CREB1: variants seen among roughly 807,000 people sequenced by gnomAD.
CREB1 encodes cyclic AMP-responsive element-binding protein 1.
In CREB1, 2 loss-of-function variants were observed where a neutral mutation model predicts 42.0. That is an observed-to-expected ratio of 0.05 (90% CI 0.02 to 0.15). The LOEUF (loss-of-function observed/expected upper bound fraction) is 0.15, where lower values mean the gene tolerates loss of function less well. Ranked by LOEUF, CREB1 falls within the 10% of genes least tolerant of loss-of-function variation. The pLI, the probability that CREB1 is intolerant of heterozygous loss-of-function variation, is 1.00. For synonymous variants in CREB1, 123 were observed against 139.9 expected (o/e 0.88, Z 0.85); for missense variants, 199 against 388.9 (o/e 0.51, Z 4.11).
rs565561296 is a variant in CREB1, at chr2:207,549,728, A to T, written c.-8-5900A>T. Among the ~76,000 whole-genome samples, 80 of 152,330 alleles carry T rather than the reference A, an allele frequency of 5.3e-4. 1 individual carries two copies. The highest frequency in any genetic ancestry group is 5.0e-4 in the Non-Finnish European group (34 of 68,026). ...AAAAATTAGACGAGCTCACACCTGT[A>T]GTCCCAACACTTTGGGAGCCGAGGT... On this transcript the variant is annotated intron_variant, in intron 1 of 7. Transcript: ENST00000353267.
intron 4 of CREB1, among the ~76,000 whole-genome samples, chr2:207,569,087 C>T (rs2082253199): frequency 6.6e-6 from 1 of 152,034 alleles, no homozygotes; most frequent in South Asian, 2.1e-4. Flanking sequence ...ATGCTGTATC[C>T]ATTATTTGGA....
Position 207,598,355 on chromosome 2 carries a change from CTT to C in CREB1, c.*1299_*1300del, listed in dbSNP as rs2086511550. 2 of 183,462 alleles carry C rather than the reference CTT, an allele frequency of 1.1e-5. No homozygotes were observed. 11.4% of individuals were successfully genotyped at this position (183,462 alleles called of 1,614,324 possible). A position where few individuals can be genotyped will look rare whatever the true frequency, so the allele number is the denominator to read the frequency against. On this transcript the variant is annotated 3_prime_UTR_variant, in exon 8 of 8. Coordinates refer to ENST00000353267, the MANE Select transcript of CREB1 (RefSeq NM_004379.5). ...TTAGCTTTCCAATATGCTGTATAGC[CTT>C]TGTCATTTTATAATTTTAATTCCTG...
chr2:207,533,570 C>T (rs2080744345), intron 1 of CREB1, among the ~76,000 whole-genome samples: 2 of 152,116 alleles, frequency 1.3e-5, no homozygotes, highest in South Asian at 4.1e-4. Flanking sequence ...GTTACATAAA[C>T]TTGTTTACAG....
rs1336862210 is a variant in CREB1 at position 207,603,247 on chromosome 2, C to T, written c.*6189C>T. 4.5e-6 allele frequency: 1 copy of T among 220,158 alleles called. No homozygotes were observed. Among genetic ancestry groups the T allele is most frequent in the East Asian group, 6.7e-5 (1 of 14,836 alleles). 13.6% of individuals were successfully genotyped at this position (220,158 alleles called of 1,614,324 possible). Reference sequence around the variant, plus strand: ...CAATGCATTTTATTAACACTATGTACATAATAGCTGCTTTGTGTTCAGAAT... The same window carrying T: ...CAATGCATTTTATTAACACTATGTATATAATAGCTGCTTTGTGTTCAGAAT... On this transcript the variant is annotated 3_prime_UTR_variant, in exon 8 of 8. Coordinates refer to ENST00000353267, the MANE Select transcript of CREB1 (RefSeq NM_004379.5).
intron 6 of CREB1, among the ~76,000 whole-genome samples, chr2:207,576,114 C>T (rs968004567): frequency 9.9e-5 from 15 of 151,700 alleles, no homozygotes; most frequent in African/African-American, 3.4e-4. Context: ...CTGCACTTGA[C>T]TCAGTTTTTG....
chr2:207,547,466 C>G (rs551600553), intron 1 of CREB1, among the ~76,000 whole-genome samples: 2 of 152,216 alleles, frequency 1.3e-5, no homozygotes, highest in African/African-American at 4.8e-5. Flanking sequence ...GTCAAAGTAA[C>G]TGTATGTAGG....
intron 3 of CREB1, among the ~76,000 whole-genome samples, chr2:207,565,822 G>C (rs537636558): frequency 3.3e-5 from 5 of 152,252 alleles, no homozygotes; most frequent in African/African-American, 4.8e-5. Flanking sequence ...GTTCAGTCTT[G>C]TTATTCCTTG....
chr2:207,553,825 C>G (rs2081610387), intron 1 of CREB1, among the ~76,000 whole-genome samples: 1 of 152,164 alleles, frequency 6.6e-6, no homozygotes, highest in African/African-American at 2.4e-5. Flanking sequence ...CTACAAAATT[C>G]TGTTTCTCTG....
intron 5 of CREB1, among the ~76,000 whole-genome samples, 196 bp from the exon 6 acceptor site, chr2:207,575,076 G>A (rs2082521232): frequency 6.6e-6 from 1 of 152,162 alleles, no homozygotes; most frequent in African/African-American, 2.4e-5. Flanking sequence ...GCAGTTCATA[G>A]AGTGCATTTC....
At chr2:207,561,978 G>T (rs990887361) in intron 3 of CREB1, among the ~76,000 whole-genome samples, 28 of 152,146 alleles carry the variant, frequency 1.8e-4, no homozygotes, top group Middle Eastern at 3.2e-3. Context: ...TCATCAGTTG[G>T]ATCAATTTCC....
At chr2:207,592,678 T>C (rs541124289) in intron 7 of CREB1, among the ~76,000 whole-genome samples, 1 of 152,124 alleles carries the variant, frequency 6.6e-6, no homozygotes, top group South Asian at 2.1e-4. Context: ...CCCAGCACTT[T>C]GGGAGACCAA....
chr2:207,532,611 T>G (rs1394243140), intron 1 of CREB1, among the ~76,000 whole-genome samples: 1 of 151,410 alleles, frequency 6.6e-6, no homozygotes, highest in Non-Finnish European at 1.5e-5. Context: ...AGGTGGAGAT[T>G]GCAGTGAGCC....
chr2:207,570,359 A>G (rs1329664184), intron 5 of CREB1, 38 bp downstream of exon 5: 3 of 1,532,614 alleles, frequency 2.0e-6, no homozygotes, highest in African/African-American at 2.8e-5. Context: ...TTGTGAGGAG[A>G]AAAAAGTGAG....
At chr2:207,555,118 A>G (rs2081662950) in intron 1 of CREB1, among the ~76,000 whole-genome samples, 1 of 151,758 alleles carries the variant, frequency 6.6e-6, no homozygotes, top group Non-Finnish European at 1.5e-5. Context: ...TTGTCCTACC[A>G]CTAGTAATCA....
intron 7 of CREB1, chr2:207,577,973 A>T: frequency 2.9e-6 from 1 of 349,082 alleles, no homozygotes; most frequent in South Asian, 2.4e-5. Context: ...CTTTTCATGT[A>T]TAGTATTGTT....
chr2:207,536,964 T>C (rs1302963273), intron 1 of CREB1, among the ~76,000 whole-genome samples: 2 of 151,112 alleles, frequency 1.3e-5, no homozygotes, highest in African/African-American at 2.4e-5. Flanking sequence ...AACTCCACTC[T>C]GGGTGACAGA....
At chr2:207,571,981 C>T (rs926251112) in intron 5 of CREB1, among the ~76,000 whole-genome samples, 1 of 152,176 alleles carries the variant, frequency 6.6e-6, no homozygotes, top group South Asian at 2.1e-4. Flanking sequence ...GTAATCCCAG[C>T]ACGCTGGGAG....
Position 207,604,174 on chromosome 2 carries a change from G to A in CREB1, c.*7116G>A, listed in dbSNP as rs933060802. Among the ~76,000 whole-genome samples the A allele has an allele frequency of 3.9e-5, 6 of 152,178 alleles. No homozygotes were observed. Among genetic ancestry groups the A allele is most frequent in the Non-Finnish European group, 5.9e-5 (4 of 68,024 alleles). On this transcript the variant is annotated 3_prime_UTR_variant, in exon 8 of 8. Coordinates refer to ENST00000353267, the MANE Select transcript of CREB1 (RefSeq NM_004379.5). ...GTGCTTGGACCTTCAGGAAAAGATT[G>A]CCCATCTTGTCATTTGACCAGGCAC...
intron 3 of CREB1, among the ~76,000 whole-genome samples, chr2:207,561,533 G>A (rs10932201): frequency 0.39 from 58,915 of 151,910 alleles, 12,886 homozygotes; most frequent in East Asian, 0.64. Context: ...GTAAACACAG[G>A]TTCTATTCTC....
Sources: gnomAD v4.1 joint callset for allele counts (sites outside exome capture counted in the v4.1 genomes callset) on GRCh38, gnomAD v4.1.1 for gene constraint, MANE v1.5 for transcripts, NCBI Gene and HGNC (gene_info 2026-07-23, HGNC 2026-07-21) for gene names.